PCDHGA4: variants seen among roughly 807,000 people sequenced by gnomAD.
The protein encoded by PCDHGA4 is protocadherin gamma-A4.
A neutral mutation model predicts 54.6 loss-of-function variants in PCDHGA4; 38 were observed. That is an observed-to-expected ratio of 0.70 (90% confidence interval 0.54 to 0.91). PCDHGA4 has a LOEUF of 0.91. Ranked by LOEUF, PCDHGA4 falls within the 40% of genes least tolerant of loss-of-function variation. The probability of loss-of-function intolerance (pLI) is 0.00; values close to 1 mark genes in which losing one functional copy is unlikely to be tolerated. For missense variants in PCDHGA4, 1,298 were observed against 1,220.9 expected, an observed-to-expected ratio of 1.06 and a Z score of -0.94; for synonymous variants, 511 against 512.9, an observed-to-expected ratio of 1.00 and a Z score of 0.05.
At chr5:141,388,773 GGGGAAATTACT>G (rs1376289371) in intron 1 of PCDHGA4, 2 of 1,613,690 alleles carry the variant, frequency 1.2e-6, no homozygotes, top group African/African-American at 2.7e-5. Context: ...CTCTAACACC[GGGGAAATTACT>G]GTTTTAAATA....
Position 141,383,803 on chromosome 5 carries a change from T to C in PCDHGA4, c.2514+26182T>C, listed in dbSNP as rs141242913. 756 of 1,613,958 alleles carry C rather than the reference T, an allele frequency of 4.7e-4. 3 individuals carry two copies. The highest frequency in any genetic ancestry group is 8.2e-4 in the Middle Eastern group (5 of 6,062). ...TCTGAACTCGCTTACAGGAGAAATA[T>C]CAACTTTAGAAGGATTAGATTATGA... On this transcript the variant is annotated intron_variant, in intron 1 of 3. Transcript: ENST00000571252.
At chr5:141,475,778 T>A (rs1204790631) in intron 1 of PCDHGA4, among the ~76,000 whole-genome samples, 1 of 152,400 alleles carries the variant, frequency 6.6e-6, no homozygotes. Context: ...GCGCTTTGGC[T>A]GGAAACTCTG....
intron 1 of PCDHGA4, chr5:141,410,406 C>A (rs1361000460): frequency 6.2e-7 from 1 of 1,614,050 alleles, no homozygotes; most frequent in Non-Finnish European, 8.5e-7. Flanking sequence ...TGTGTCAAGT[C>A]TGGACCTGTA....
intron 1 of PCDHGA4, chr5:141,372,627 G>A (rs2150009906): frequency 3.1e-6 from 5 of 1,613,974 alleles, no homozygotes; most frequent in Admixed American, 1.7e-5. Context: ...CACCTACAGC[G>A]AAAGGACTTT....
intron 3 of PCDHGA4, 78 bp from the exon 4 acceptor site, chr5:141,510,869 T>C: frequency 9.3e-6 from 15 of 1,608,708 alleles, no homozygotes; most frequent in Non-Finnish European, 1.3e-5. Flanking sequence ...AGGCATTCAT[T>C]AACTGCTGGG....
Position 141,355,824 on chromosome 5 carries a change from C to T in PCDHGA4, c.717C>T (p.His239=), listed in dbSNP as rs1359951583. 3 of 1,612,804 alleles carry T rather than the reference C, an allele frequency of 1.9e-6. No individual in the cohort carries two copies. The highest frequency in any genetic ancestry group is 2.5e-6 in the Non-Finnish European group (3 of 1,179,312). The change falls in exon 1 of 4, where the codon CAC becomes CAT. Residue 239 remains histidine, a synonymous_variant. Transcript: ENST00000571252. ...TAGATCGCGAGGAAGAGGCGGTTCA[C>T]CACCTCGTTCTCACGGCCTTCGATG... ...RALDREEEAV[H]HLVLTAFDGG...
At chr5:141,394,310 GC>G in intron 1 of PCDHGA4, 6 of 1,613,936 alleles carry the variant, frequency 3.7e-6, no homozygotes, top group Non-Finnish European at 5.1e-6. Context: ...TGCAGGGGGC[GC>G]CCCTGTCCTC....
rs1414722237 is a variant in PCDHGA4 at position 141,432,748 on chromosome 5, C to T, written c.2515-62059C>T. On this transcript the variant is annotated intron_variant, in intron 1 of 3. Coordinates refer to ENST00000571252, the MANE Select transcript of PCDHGA4 (RefSeq NM_018917.4). The surrounding 1 kb of genome is among the most constrained non-coding windows in gnomAD (Gnocchi z 6.0). ...CCGCCACTGTCACGCTCACCGTGGC[C>T]GTGGCCGACAGCATCCCCCAAGTCC... 1 of 1,614,120 alleles carries T rather than the reference C, an allele frequency of 6.2e-7. No homozygotes were observed. The highest frequency in any genetic ancestry group is 8.5e-7 in the Non-Finnish European group (1 of 1,179,980).
rs772487189 is a variant in PCDHGA4 at position 141,415,555 on chromosome 5, C to G, written c.2514+57934C>G. 5 of 1,613,954 alleles carry G rather than the reference C, an allele frequency of 3.1e-6. No homozygotes were observed. In the African/African-American group the frequency reaches 6.7e-5, roughly 22 times the overall value. On this transcript the variant is annotated intron_variant, in intron 1 of 3. Transcript: ENST00000571252. ...CCAGGAGAGCTGTGAGAAAAACGAT[C>G]CTTTGTCTTTGTTAGATGATTCGAA...
intron 1 of PCDHGA4, chr5:141,423,110 G>C: frequency 6.2e-7 from 1 of 1,613,842 alleles, no homozygotes; most frequent in Non-Finnish European, 8.5e-7. Context: ...GGCGAGGTGC[G>C]TACAGCGCGG....
At chr5:141,394,874 G>C in intron 1 of PCDHGA4, 3 of 1,613,814 alleles carry the variant, frequency 1.9e-6, no homozygotes, top group South Asian at 1.1e-5. Context: ...CGAACGATTC[G>C]AGCCTTACAC....
intron 1 of PCDHGA4, among the ~76,000 whole-genome samples, chr5:141,358,502 A>AT (rs1378109412): frequency 1.3e-5 from 2 of 152,160 alleles, no homozygotes; most frequent in African/African-American, 4.8e-5. Context: ...TTAACAGGAT[A>AT]TTTTCTCAAT....
intron 1 of PCDHGA4, among the ~76,000 whole-genome samples, chr5:141,454,796 A>ATTTTTTTTTTTTTTTTTTTTTTTTTTT (rs61612330): frequency 3.9e-5 from 3 of 77,408 alleles, no homozygotes; most frequent in Admixed American, 1.8e-4. Flanking sequence ...CATGGTTCTA[A>ATTTTTTTTTTTTTTTTTTTTTTTTTTT]TTTTTTTTTT....
At position 141,410,277 on chromosome 5, in the gene PCDHGA4, T is replaced by C. The variant is rs1461250700; in HGVS notation, c.2514+52656T>C. 2.5e-6 allele frequency: 4 copies of C among 1,614,014 alleles called. No homozygotes were observed. In the Admixed American group the frequency reaches 6.7e-5, roughly 27 times the overall value. ...CCCCAGGCTGAACTGCAGTTTTACC[T>C]GGTGGTGGCCTTGGCCTTAATCTCA... On this transcript the variant is annotated intron_variant, in intron 1 of 3. Transcript: ENST00000571252.
At position 141,432,995 on chromosome 5, in the gene PCDHGA4, G is replaced by A. The variant is rs576866505; in HGVS notation, c.2515-61812G>A. On this transcript the variant is annotated intron_variant, in intron 1 of 3. Transcript: ENST00000571252. This position sits in a 1 kb window ranked among gnomAD's most constrained non-coding sequence, Gnocchi z 6.0. ...GTCGCACTTTGTGGGCGTGGACGGGGTGCAGGCTTTCCTGCAGACCTATTC... is the reference window on the plus strand; with the variant it reads ...GTCGCACTTTGTGGGCGTGGACGGGATGCAGGCTTTCCTGCAGACCTATTC... The A allele has an allele frequency of 1.2e-6, 2 of 1,614,226 alleles. No individual in the cohort carries two copies. The highest frequency in any genetic ancestry group is 3.3e-5 in the Admixed American group (2 of 60,028).
intron 1 of PCDHGA4, among the ~76,000 whole-genome samples, chr5:141,451,403 G>A (rs2154563571): frequency 6.6e-6 from 1 of 152,288 alleles, no homozygotes; most frequent in South Asian, 2.1e-4. Context: ...GCAAAATTAA[G>A]TTCCTTGTGG....
At chr5:141,399,808 C>A in intron 1 of PCDHGA4, 1 of 1,613,208 alleles carries the variant, frequency 6.2e-7, no homozygotes, top group Non-Finnish European at 8.5e-7. Flanking sequence ...GGTGCTGTAC[C>A]CCGCGCTGGG....
Position 141,491,963 on chromosome 5 carries a change from C to A in PCDHGA4, c.2515-2844C>A. ...CCCCCACCCCTACACTCAAAAAAGG[C>A]CGGGGCCTCCTTCGAGCTTCCGGTG... On this transcript the variant is annotated intron_variant, in intron 1 of 3. Coordinates refer to ENST00000571252, the MANE Select transcript of PCDHGA4 (RefSeq NM_018917.4). This position sits in a 1 kb window ranked among gnomAD's most constrained non-coding sequence, Gnocchi z 6.9. 2 of 944,828 alleles carry A rather than the reference C, an allele frequency of 2.1e-6. No homozygotes were observed. Among genetic ancestry groups the A allele is most frequent in the Non-Finnish European group, 3.0e-6 (2 of 670,874 alleles). 58.5% of individuals were successfully genotyped at this position (944,828 alleles called of 1,614,324 possible).
intron 1 of PCDHGA4, among the ~76,000 whole-genome samples, chr5:141,452,416 C>T (rs2098741061): frequency 6.6e-6 from 1 of 152,144 alleles, no homozygotes; most frequent in African/African-American, 2.4e-5. Context: ...GAGGTATGCT[C>T]ACTGCTAATG....
Sources: allele counts gnomAD v4.1 joint callset (sites outside exome capture counted in the v4.1 genomes callset), GRCh38; gene constraint gnomAD v4.1.1; non-coding constraint Gnocchi (gnomAD v3.1); transcripts MANE v1.5; gene names NCBI Gene and HGNC (gene_info 2026-07-23, HGNC 2026-07-21).